Variants in TPPP observed in about 807,000 individuals in gnomAD.
The protein encoded by TPPP is tubulin polymerization promoting protein.
Under a neutral mutation model 15.5 loss-of-function variants are expected in TPPP, and 6 were observed. That is an observed-to-expected ratio of 0.39 (90% confidence interval 0.21 to 0.77). TPPP has a LOEUF of 0.77. Among genes scored for constraint, TPPP ranks in the 30% least tolerant of loss-of-function variants. The probability of loss-of-function intolerance (pLI) is 0.42; values close to 1 mark genes in which losing one functional copy is unlikely to be tolerated. For synonymous variants in TPPP, 146 were observed against 133.9 expected (o/e 1.09, Z -0.63); for missense variants, 269 against 307.2 (o/e 0.88, Z 0.93).
At chr5:692,323 C>T (rs1579202881) in intron 1 of TPPP, among the ~76,000 whole-genome samples, 1 of 127,970 alleles carries the variant, frequency 7.8e-6, no homozygotes, top group East Asian at 2.5e-4. Context: ...GCTCCCAACC[C>T]CCTATCAAAA....
upstream of TPPP, among the ~76,000 whole-genome samples, chr5:697,477 G>A (rs1741035239): frequency 6.6e-6 from 1 of 152,028 alleles, no homozygotes; most frequent in African/African-American, 2.4e-5. Context: ...CCAGAGAGAG[G>A]ATGGCGTTGC....
At chr5:665,631 AG>A (rs1173109230) in intron 3 of TPPP, among the ~76,000 whole-genome samples, 1 of 40,432 alleles carries the variant, frequency 2.5e-5, no homozygotes, top group Non-Finnish European at 5.1e-5. Context: ...ATGCCCCTTC[AG>A]ACCAAGCCTC....
upstream of TPPP, among the ~76,000 whole-genome samples, chr5:696,157 A>C (rs1036278770): frequency 7.4e-6 from 1 of 135,948 alleles, no homozygotes; most frequent in Non-Finnish European, 1.6e-5. Context: ...GGAAGAGCAG[A>C]CACAGCATGG....
rs1554021104 is a variant in TPPP at position 666,129 on chromosome 5, G to GGGGCAGAGGCGACTTA, written c.312-7_312-6insTAAGTCGCCTCTGCCC. ...TGGTCCGGCAAGACTTCCCTCTACA[G>GGGGCAGAGGCGACTTA]GGGCACAGGCGACTTAGGGCTGGGC... On this transcript the variant is annotated splice_polypyrimidine_tract_variant and splice_region_variant and intron_variant, in intron 2 of 3. Transcript: ENST00000360578. 40 of 1,606,814 alleles carry GGGGCAGAGGCGACTTA rather than the reference G, an allele frequency of 2.5e-5. No individual in the cohort carries two copies. The highest frequency in any genetic ancestry group is 1.1e-4 in the South Asian group (10 of 90,908).
chr5:691,937 AAAC>A (rs1740885122), intron 1 of TPPP, among the ~76,000 whole-genome samples: 1 of 107,568 alleles, frequency 9.3e-6, no homozygotes, highest in Admixed American at 1.0e-4. Flanking sequence ...ACCCGTATCA[AAAC>A]AGCAGCCCCC....
At chr5:682,833 A>T (rs1481163126) in intron 1 of TPPP, among the ~76,000 whole-genome samples, 1 of 152,224 alleles carries the variant, frequency 6.6e-6, no homozygotes, top group Non-Finnish European at 1.5e-5. Flanking sequence ...CTGGCAGAGG[A>T]GGCTGGTGGA....
At chr5:693,700 G>T (rs1709529), upstream of TPPP, among the ~76,000 whole-genome samples, 86,756 of 147,764 alleles carry the variant, frequency 0.59, 24,230 homozygotes, top group Middle Eastern at 0.65. Flanking sequence ...CGATCTCTCC[G>T]CCCCGCAGGA....
At chr5:694,021 G>T (rs1444681567), upstream of TPPP, among the ~76,000 whole-genome samples, 8 of 109,314 alleles carry the variant, frequency 7.3e-5, no homozygotes. Flanking sequence ...CCTTCACGCA[G>T]GAGTGGAGGA....
At position 677,952 on chromosome 5, in the gene TPPP, C is replaced by T. The variant is rs1287169458; in HGVS notation, c.109G>A (p.Gly37Ser). ...GATGCGGCTGCCCCCTCACCAGCAC[C>T]CTCCGATTCCAGCGACAGCCTCTTG... ...AAKRLSLESE[G>S]AGEGAAASPE... is the part of the protein sequence containing the mutation. The change falls in exon 2 of 4, where the codon GGT becomes AGT. Residue 37 changes from glycine to serine, a missense_variant. Physicochemically the swap from Gly to Ser is moderately conservative, Grantham distance 56. Coordinates refer to ENST00000360578, the MANE Select transcript of TPPP (RefSeq NM_007030.3). 3.1e-6 allele frequency: 5 copies of T among 1,611,600 alleles called. No individual in the cohort carries two copies. Among genetic ancestry groups the T allele is most frequent in the East Asian group, 2.2e-5 (1 of 44,792 alleles).
chr5:663,188 C>A lies in TPPP; in HGVS notation c.*1914G>T, dbSNP rs879167687. The A allele has an allele frequency of 7.1e-5, 10 of 140,586 alleles. No individual in the cohort carries two copies. Among genetic ancestry groups the A allele is most frequent in the African/African-American group, 2.5e-4 (10 of 39,612 alleles). The allele number at this position is 140,586 out of a possible 1,614,324, so 8.7% of individuals were successfully genotyped here. ...CGATGACTGCTCGTCTGTGACCGGG[C>A]GATTCCGGTGACCGCTCGTCTGTGA... On this transcript the variant is annotated 3_prime_UTR_variant, in exon 4 of 4. Transcript: ENST00000360578.
chr5:685,753 G>C (rs975293581), intron 1 of TPPP, among the ~76,000 whole-genome samples: 10 of 152,210 alleles, frequency 6.6e-5, no homozygotes, highest in African/African-American at 2.4e-4. Context: ...GGCCACTCTG[G>C]GGACGGCCAC....
At chr5:674,132 C>T (rs1740321826) in intron 2 of TPPP, among the ~76,000 whole-genome samples, 1 of 152,232 alleles carries the variant, frequency 6.6e-6, no homozygotes, top group African/African-American at 2.4e-5. Context: ...CCCAGCCCTT[C>T]TAGGAGCTTC....
At chr5:681,067 G>A (rs1332068750) in intron 1 of TPPP, among the ~76,000 whole-genome samples, 11 of 152,198 alleles carry the variant, frequency 7.2e-5, no homozygotes, top group African/African-American at 1.9e-4. Flanking sequence ...GGTGTCAGAC[G>A]GACAACGAGC....
intron 1 of TPPP, among the ~76,000 whole-genome samples, chr5:688,560 G>A (rs1740823214): frequency 6.6e-6 from 1 of 152,126 alleles, no homozygotes; most frequent in South Asian, 2.1e-4. Flanking sequence ...CACGAAGAGA[G>A]GCGGCCCAGA....
At chr5:684,733 G>A (rs55651840) in intron 1 of TPPP, among the ~76,000 whole-genome samples, 18,037 of 133,478 alleles carry the variant, frequency 0.14, 1,390 homozygotes, top group South Asian at 0.21. Context: ...GTGCCCATTT[G>A]AGCGCAGACG....
At chr5:674,206 C>G (rs1321196914) in intron 2 of TPPP, among the ~76,000 whole-genome samples, 1 of 152,214 alleles carries the variant, frequency 6.6e-6, no homozygotes, top group Non-Finnish European at 1.5e-5. Flanking sequence ...CTGGAACACA[C>G]ATTGGGCGGC....
At chr5:687,001 G>C (rs1740783968) in intron 1 of TPPP, among the ~76,000 whole-genome samples, 1 of 139,546 alleles carries the variant, frequency 7.2e-6, no homozygotes, top group African/African-American at 2.5e-5. Context: ...CCAGAACTGT[G>C]AGAAGTGAAC....
At position 665,342 on chromosome 5, in the gene TPPP, G is replaced by T. The variant is rs2126864138; in HGVS notation, c.466-46C>A. 1.9e-6 allele frequency: 3 copies of T among 1,560,056 alleles called. No individual in the cohort carries two copies. In the South Asian group the frequency reaches 3.5e-5, roughly 18 times the overall value. On this transcript the variant is annotated intron_variant, in intron 3 of 3. Transcript: ENST00000360578. ...AGGGGGCAGGTGAGTTGCGAGCCAG[G>T]TGAGGCCAGCAAGTGAAATGGCTGT...
chr5:698,552 T>C, the TPPP span, among the ~76,000 whole-genome samples: 2 of 151,956 alleles, frequency 1.3e-5, no homozygotes, highest in African/African-American at 4.8e-5. Flanking sequence ...AGGCAGATCA[T>C]ACACGGCAGC....
Sources: gnomAD v4.1 joint callset for allele counts (sites outside exome capture counted in the v4.1 genomes callset) on GRCh38, gnomAD v4.1.1 for gene constraint, MANE v1.5 for transcripts, NCBI Gene and HGNC (gene_info 2026-07-23, HGNC 2026-07-21) for gene names.